LRRC20: variants seen among roughly 807,000 people sequenced by gnomAD.
The protein encoded by LRRC20 is leucine-rich repeat-containing protein 20.
In LRRC20, 11 loss-of-function variants were observed where a neutral mutation model predicts 14.4. The ratio of observed to expected loss-of-function variants is 0.77; its 90% CI spans 0.48 to 1.27. The LOEUF is 1.27. LRRC20 is among the 50% of genes most tolerant of loss of function. LRRC20 has a pLI of 0.00. For missense variants in LRRC20, 219 were observed against 251.2 expected, an observed-to-expected ratio of 0.87 and a Z score of 0.87; for synonymous variants, 121 against 107.3, an observed-to-expected ratio of 1.13 and a Z score of -0.79.
In LRRC20 at chr10:70,300,878, A is replaced by C; in HGVS notation, c.*476T>G. The C allele has an allele frequency of 1.0e-6, 1 of 987,438 alleles. No individual in the cohort carries two copies. The highest frequency in any genetic ancestry group is 1.2e-6 in the Non-Finnish European group (1 of 831,394). The allele number at this position is 987,438 out of a possible 1,614,324, so 61.2% of individuals were successfully genotyped here. A position where few individuals can be genotyped will look rare whatever the true frequency, so the allele number is the denominator to read the frequency against. On this transcript the variant is annotated 3_prime_UTR_variant, in exon 5 of 5. Transcript: ENST00000446961. ...GGTCAGTTCTCAGGAAGCAATAAATAGATGGAGGTTGTCTTCTCTTCTCAG... is the reference window on the plus strand; with the variant it reads ...GGTCAGTTCTCAGGAAGCAATAAATCGATGGAGGTTGTCTTCTCTTCTCAG...
intron 4 of LRRC20, among the ~76,000 whole-genome samples, chr10:70,313,421 C>A (rs10823520): frequency 0.6 from 91,595 of 151,778 alleles, 27,771 homozygotes; most frequent in South Asian, 0.63. Flanking sequence ...AGAAGGGTTC[C>A]TCAGAAGTTC....
chr10:70,341,989 T>C (rs1038110318), intron 2 of LRRC20, among the ~76,000 whole-genome samples: 1 of 151,662 alleles, frequency 6.6e-6, no homozygotes, highest in African/African-American at 2.4e-5. Context: ...GAGTTCTTTG[T>C]AGGGGTAATA....
rs532077886 is a variant in LRRC20, at chr10:70,319,922, G to C, written c.400+3941C>G. Among the ~76,000 whole-genome samples the C allele has an allele frequency of 5.9e-5, 9 of 152,324 alleles. No homozygotes were observed. The South Asian group carries it at 1.9e-3, about 32-fold the overall frequency. ...CCCCGGAAGCCTCTCATCTGGGTGG[G>C]AGACACCTGCTGCTGTGTGTCTGCC... On this transcript the variant is annotated intron_variant, in intron 4 of 4. Transcript: ENST00000446961.
chr10:70,358,994 TAGGGAATGA>T (rs1160979937), intron 2 of LRRC20, among the ~76,000 whole-genome samples: 2 of 152,198 alleles, frequency 1.3e-5, no homozygotes, highest in Non-Finnish European at 2.9e-5. Flanking sequence ...AATTCGCTTT[TAGGGAATGA>T]AGAAAAGAAT....
intron 2 of LRRC20, among the ~76,000 whole-genome samples, chr10:70,365,898 T>C (rs2137124968): frequency 6.6e-6 from 1 of 151,114 alleles, no homozygotes; most frequent in East Asian, 2.0e-4. Context: ...GTGAAACCCC[T>C]CTCTACTAAA....
intron 3 of LRRC20, among the ~76,000 whole-genome samples, chr10:70,335,098 C>T (rs537627243): frequency 3.4e-4 from 52 of 152,300 alleles, no homozygotes; most frequent in African/African-American, 1.0e-3. Context: ...CACTTCTTCC[C>T]GGAGTTTATG....
At chr10:70,312,919 C>T (rs1436759437) in intron 4 of LRRC20, among the ~76,000 whole-genome samples, 1 of 152,126 alleles carries the variant, frequency 6.6e-6, no homozygotes, top group African/African-American at 2.4e-5. Flanking sequence ...ATTTTTCTGT[C>T]CTTAAGTATG....
At chr10:70,380,858 G>A (rs943709758) in intron 1 of LRRC20, among the ~76,000 whole-genome samples, 5 of 152,254 alleles carry the variant, frequency 3.3e-5, no homozygotes, top group African/African-American at 1.2e-4. Flanking sequence ...GACTGGGTAT[G>A]GGCTAGAACA....
At chr10:70,380,573 C>G (rs1156933517) in intron 1 of LRRC20, among the ~76,000 whole-genome samples, 2 of 152,216 alleles carry the variant, frequency 1.3e-5, no homozygotes, top group African/African-American at 4.8e-5. Flanking sequence ...CTTGGGGCAC[C>G]CCAGCCAGCT....
chr10:70,369,732 G>C (rs1844190896), intron 2 of LRRC20, among the ~76,000 whole-genome samples: 1 of 151,794 alleles, frequency 6.6e-6, no homozygotes, highest in African/African-American at 2.4e-5. Flanking sequence ...GGTTGTCATG[G>C]GGAATTAAAT....
At chr10:70,363,970 T>C (rs10823531) in intron 2 of LRRC20, among the ~76,000 whole-genome samples, 146,210 of 152,266 alleles carry the variant, frequency 0.96, 70,472 homozygotes, top group East Asian at 1. Flanking sequence ...TCCTCCCTGG[T>C]AAACTCCCAC....
At chr10:70,341,749 C>CA (rs1293992406) in intron 2 of LRRC20, among the ~76,000 whole-genome samples, 4 of 152,020 alleles carry the variant, frequency 2.6e-5, no homozygotes, top group African/African-American at 9.6e-5. Flanking sequence ...GCCTGGGCAA[C>CA]AGAACAAGAC....
chr10:70,324,567 C>T (rs1842245284), intron 3 of LRRC20, among the ~76,000 whole-genome samples: 1 of 152,232 alleles, frequency 6.6e-6, no homozygotes, highest in South Asian at 2.1e-4. Context: ...AGAGCAGCTG[C>T]TCTGAAAGCT....
chr10:70,319,468 C>T (rs1841996577), intron 4 of LRRC20, among the ~76,000 whole-genome samples: 1 of 152,166 alleles, frequency 6.6e-6, no homozygotes, highest in Non-Finnish European at 1.5e-5. Flanking sequence ...CTCAGTCAGA[C>T]TACATGCCTC....
At chr10:70,309,404 G>A (rs572279585) in intron 4 of LRRC20, among the ~76,000 whole-genome samples, 88 of 152,284 alleles carry the variant, frequency 5.8e-4, no homozygotes, top group African/African-American at 1.9e-3. Flanking sequence ...AGTAAGTGGT[G>A]GAGGCAGGAC....
At chr10:70,354,652 A>G (rs1210755670) in intron 2 of LRRC20, among the ~76,000 whole-genome samples, 1 of 152,250 alleles carries the variant, frequency 6.6e-6, no homozygotes, top group African/African-American at 2.4e-5. Flanking sequence ...GGTGGTAATG[A>G]CAGTAACTGA....
At chr10:70,327,498 G>A (rs1482628620) in intron 3 of LRRC20, among the ~76,000 whole-genome samples, 5 of 151,674 alleles carry the variant, frequency 3.3e-5, no homozygotes, top group South Asian at 2.1e-4. Flanking sequence ...TCCGAGGCAC[G>A]AGAATCCCAG....
chr10:70,301,505 A>G lies in LRRC20; in HGVS notation c.404T>C (p.Val135Ala). 1 of 1,613,862 alleles carries G rather than the reference A, an allele frequency of 6.2e-7. No homozygotes were observed. Among genetic ancestry groups the G allele is most frequent in the Non-Finnish European group, 8.5e-7 (1 of 1,179,928 alleles). The change falls in exon 5 of 5, where the codon GTG (valine) becomes GCG (alanine). Residue 135 changes from valine to alanine, a missense_variant. Physicochemically the swap from Val to Ala is moderately conservative, Grantham distance 64 (BLOSUM62 0). Transcript: ENST00000446961. ...INLEENEIVD[V>A]PVEKLAAMPA... ...CATGGCGGCCAGCTTCTCCACGGGC[A>G]CATCTATTGGGGACAGAATGGACAG...
rs548673501 is a variant in LRRC20 at position 70,330,946 on chromosome 10, C to A, written c.233-6916G>T. Among the ~76,000 whole-genome samples, 5 of 152,338 alleles carry A rather than the reference C, an allele frequency of 3.3e-5. No individual in the cohort carries two copies. In the East Asian group the frequency reaches 9.6e-4, roughly 29 times the overall value. ...CACCACCTGCTTCCATGGCAAAGAG[C>A]CTGACCGGGGACCCGGGGACCCTGA... On this transcript the variant is annotated intron_variant, in intron 3 of 4. Transcript: ENST00000446961.
Sources: allele counts gnomAD v4.1 joint callset (sites outside exome capture counted in the v4.1 genomes callset), GRCh38; gene constraint gnomAD v4.1.1; transcripts MANE v1.5; gene names NCBI Gene and HGNC (gene_info 2026-07-23, HGNC 2026-07-21).